Variants in CMSS1 observed in about 807,000 individuals in gnomAD.
CMSS1 encodes the protein protein CMSS1.
In CMSS1, 33 loss-of-function variants were observed where a neutral mutation model predicts 43.5. The ratio of observed to expected loss-of-function variants is 0.76; its 90% confidence interval spans 0.57 to 1.01. CMSS1 has a LOEUF of 1.01. CMSS1 is among the 50% of genes least tolerant of loss of function. The pLI is 0.00. For missense variants in CMSS1, 313 were observed against 326.4 expected (o/e 0.96, Z 0.32); for synonymous variants, 115 against 117.2 (o/e 0.98, Z 0.12).
chr3:99,822,214 T>C (rs1443049904), intron 1 of CMSS1, among the ~76,000 whole-genome samples: 1 of 152,174 alleles, frequency 6.6e-6, no homozygotes, highest in Admixed American at 6.5e-5. Flanking sequence ...AGATCCAGGC[T>C]GAGATACAGA....
intron 1 of CMSS1, among the ~76,000 whole-genome samples, chr3:100,047,869 A>G (rs1289418968): frequency 2.0e-5 from 3 of 152,158 alleles, no homozygotes; most frequent in Non-Finnish European, 4.4e-5. Context: ...TCAAAATGAC[A>G]GGGTGGGCGA....
chr3:100,164,513 A>C (rs2067050567), intron 4 of CMSS1, among the ~76,000 whole-genome samples: 1 of 152,220 alleles, frequency 6.6e-6, no homozygotes, highest in Non-Finnish European at 1.5e-5. Context: ...ATGTGTGGTC[A>C]TGGTTTGGGG....
At chr3:100,148,699 CAG>C (rs2066875893) in intron 2 of CMSS1, among the ~76,000 whole-genome samples, 1 of 152,114 alleles carries the variant, frequency 6.6e-6, no homozygotes, top group Non-Finnish European at 1.5e-5. Flanking sequence ...GCACTTCAAA[CAG>C]TGGTTATCAG....
At chr3:100,050,784 C>A (rs929544121) in intron 1 of CMSS1, among the ~76,000 whole-genome samples, 1 of 152,312 alleles carries the variant, frequency 6.6e-6, no homozygotes, top group East Asian at 1.9e-4. Flanking sequence ...CCCACCTTGA[C>A]CTCCCAAAGT....
intron 1 of CMSS1, among the ~76,000 whole-genome samples, chr3:100,146,576 C>T (rs1413127165): frequency 6.6e-6 from 1 of 152,206 alleles, no homozygotes; most frequent in African/African-American, 2.4e-5. Flanking sequence ...TAAATAATGT[C>T]TGTGAAGCAT....
At chr3:99,887,955 A>G (rs1222317403) in intron 1 of CMSS1, among the ~76,000 whole-genome samples, 1 of 151,878 alleles carries the variant, frequency 6.6e-6, no homozygotes, top group Non-Finnish European at 1.5e-5. Flanking sequence ...GCCCAGGCTC[A>G]TCTTGAACTC....
At chr3:100,108,755 C>T (rs1232731716) in intron 1 of CMSS1, among the ~76,000 whole-genome samples, 2 of 152,040 alleles carry the variant, frequency 1.3e-5, no homozygotes, top group Non-Finnish European at 2.9e-5. Context: ...AAATGTATGC[C>T]CCTTCCAAAC....
chr3:100,078,169 C>G (rs9814359), intron 1 of CMSS1, among the ~76,000 whole-genome samples: 32,043 of 151,766 alleles, frequency 0.21, 3,513 homozygotes, highest in South Asian at 0.26. Context: ...AATATATTTG[C>G]TCCCATTCCT....
intron 1 of CMSS1, among the ~76,000 whole-genome samples, chr3:99,862,218 A>T (rs793442): frequency 0.71 from 107,859 of 152,026 alleles, 38,607 homozygotes; most frequent in East Asian, 0.81. Context: ...TCATTTAAAA[A>T]ATCAAATCAA....
At chr3:100,001,202 C>T (rs1365725700) in intron 1 of CMSS1, among the ~76,000 whole-genome samples, 1 of 152,176 alleles carries the variant, frequency 6.6e-6, no homozygotes, top group Non-Finnish European at 1.5e-5. Context: ...TGTCTCAGTT[C>T]ACCTATTTAA....
At chr3:100,001,393 A>C (rs1302315872) in intron 1 of CMSS1, among the ~76,000 whole-genome samples, 1 of 152,202 alleles carries the variant, frequency 6.6e-6, no homozygotes, top group Admixed American at 6.5e-5. Context: ...AAATATTACT[A>C]TCTGGCTTTT....
chr3:99,866,114 T>G (rs1944501324), intron 1 of CMSS1, among the ~76,000 whole-genome samples: 1 of 152,140 alleles, frequency 6.6e-6, no homozygotes, highest in South Asian at 2.1e-4. Context: ...GTAGAAAGCA[T>G]GTATCCTTTT....
chr3:99,896,211 A>C (rs1411291183), intron 1 of CMSS1, among the ~76,000 whole-genome samples: 1 of 152,220 alleles, frequency 6.6e-6, no homozygotes, highest in Non-Finnish European at 1.5e-5. Flanking sequence ...GGAGTAGGTC[A>C]GAGATTCCTT....
intron 1 of CMSS1, among the ~76,000 whole-genome samples, chr3:99,820,969 C>A (rs1942427411): frequency 6.6e-6 from 1 of 152,216 alleles, no homozygotes. Context: ...AATCTGTTCC[C>A]ACTTGACATC....
chr3:99,943,273 T>G (rs1190691648), intron 1 of CMSS1, among the ~76,000 whole-genome samples: 3 of 152,188 alleles, frequency 2.0e-5, no homozygotes, highest in African/African-American at 7.2e-5. Context: ...TCAAAGGAGG[T>G]TTGAAGACAT....
At chr3:100,028,688 AG>A (rs2064970314) in intron 1 of CMSS1, among the ~76,000 whole-genome samples, 1 of 152,176 alleles carries the variant, frequency 6.6e-6, no homozygotes, top group Non-Finnish European at 1.5e-5. Context: ...CATTGATGGA[AG>A]TATTTATGAT....
At chr3:99,919,468 TTTTTG>T (rs1245999138) in intron 1 of CMSS1, among the ~76,000 whole-genome samples, 2 of 150,556 alleles carry the variant, frequency 1.3e-5, no homozygotes, top group East Asian at 1.9e-4. Flanking sequence ...TCAATTATTG[TTTTTG>T]TTTTGTTTTG....
intron 4 of CMSS1, among the ~76,000 whole-genome samples, chr3:100,164,758 C>T (rs1470447505): frequency 6.6e-6 from 1 of 152,034 alleles, no homozygotes; most frequent in African/African-American, 2.4e-5. Context: ...GGACATAAAT[C>T]CCCTTATATA....
At chr3:100,144,391 G>T (rs776362480) in intron 1 of CMSS1, among the ~76,000 whole-genome samples, 15 of 152,224 alleles carry the variant, frequency 9.9e-5, no homozygotes, top group Non-Finnish European at 2.1e-4. Flanking sequence ...ATTACAGCCA[G>T]GAGGGGATGG....
Sources: allele counts gnomAD v4.1 joint callset (sites outside exome capture counted in the v4.1 genomes callset), GRCh38; gene constraint gnomAD v4.1.1; transcripts MANE v1.5; gene names NCBI Gene and HGNC (gene_info 2026-07-23, HGNC 2026-07-21).